PRMT2: variants seen among roughly 807,000 people sequenced by gnomAD.
PRMT2 encodes protein arginine N-methyltransferase 2.
In PRMT2, 26 loss-of-function variants were observed where a neutral mutation model predicts 57.6. The observed-to-expected ratio is 0.45, with a 90% CI of 0.33 to 0.63. The LOEUF (loss-of-function observed/expected upper bound fraction) is 0.63. PRMT2 is among the 20% of genes least tolerant of loss of function. PRMT2 has a pLI of 0.02. For missense variants in PRMT2, 472 were observed against 564.4 expected, an observed-to-expected ratio of 0.84 and a Z score of 1.66; for synonymous variants, 219 against 220.0, an observed-to-expected ratio of 1.00 and a Z score of 0.04.
chr21:46,660,754 AC>A, intron 8 of PRMT2, 78 bp from the exon 9 acceptor site: 2 of 1,530,768 alleles, frequency 1.3e-6, no homozygotes, highest in Middle Eastern at 1.7e-4. Context: ...GAGAGCACTC[AC>A]CGCGGTCCCA....
intron 11 of PRMT2, among the ~76,000 whole-genome samples, chr21:46,663,947 C>T (rs1260451807): frequency 1.3e-5 from 2 of 152,128 alleles, no homozygotes; most frequent in South Asian, 2.1e-4. Context: ...CTAGGCGTGT[C>T]GTCTGTGATG....
At position 46,664,279 on chromosome 21, in the gene PRMT2, C is replaced by A. The variant is rs2061672489; in HGVS notation, c.1270-16C>A. 6.3e-7 allele frequency: 1 copy of A among 1,590,490 alleles called. No individual in the cohort carries two copies. The highest frequency in any genetic ancestry group is 8.6e-7 in the Non-Finnish European group (1 of 1,158,550). ...ATTTATCATCTGATTGACCTGTTGTCATTTATCTTTTTCAGGTTGGAGAAA... is the reference window on the plus strand; with the variant it reads ...ATTTATCATCTGATTGACCTGTTGTAATTTATCTTTTTCAGGTTGGAGAAA... On this transcript the variant is annotated splice_polypyrimidine_tract_variant and intron_variant, in intron 11 of 11. Coordinates refer to ENST00000355680, the MANE Select transcript of PRMT2 (RefSeq NM_206962.4).
intron 7 of PRMT2, chr21:46,657,175 G>C (rs1158143626): frequency 6.6e-6 from 1 of 152,140 alleles, no homozygotes; most frequent in African/African-American, 2.4e-5. Context: ...CTGTCATCGA[G>C]GATGAGGAAC....
Position 46,647,108 on chromosome 21 carries a change from T to TA in PRMT2, c.328-1349dup, listed in dbSNP as rs140310274. ...GATGGTGTGTGAAAGCTCATTTCCC[T>TA]ACCACAAATCAAAGTGAAAAAGGAC... is the stretch of plus-strand genomic sequence containing the variant. On this transcript the variant is annotated intron_variant, in intron 5 of 11. Coordinates refer to ENST00000355680, the MANE Select transcript of PRMT2 (RefSeq NM_206962.4). Among the ~76,000 whole-genome samples, 1,282 of 152,352 alleles carry TA rather than the reference T, an allele frequency of 8.4e-3. 14 individuals carry two copies. Among genetic ancestry groups the TA allele is most frequent in the African/African-American group, 0.028 (1,161 of 41,582 alleles).
At chr21:46,644,569 A>G in intron 5 of PRMT2, 81 bp downstream of exon 5, 1 of 1,395,712 alleles carries the variant, frequency 7.2e-7, no homozygotes, top group Non-Finnish European at 9.6e-7. Context: ...CGTTCAGAGC[A>G]GGCCCATAGT....
Position 46,658,961 on chromosome 21 carries a change from C to T in PRMT2, c.830+41C>T, listed in dbSNP as rs1439251794. 13 of 1,589,138 alleles carry T rather than the reference C, an allele frequency of 8.2e-6. No homozygotes were observed. The South Asian group carries it at 1.4e-4, about 17-fold the overall frequency. ...TGGGACTGGCACCGTCTTGTGGGGC[C>T]TCCTGGTCCACAGTCTGCAGGTGGG... On this transcript the variant is annotated intron_variant, in intron 8 of 11. Transcript: ENST00000355680.
intron 7 of PRMT2, chr21:46,652,903 T>G: frequency 7.7e-7 from 1 of 1,303,234 alleles, no homozygotes; most frequent in South Asian, 1.2e-5. Flanking sequence ...AGAAGCAGGT[T>G]GCACACTCAG....
intron 10 of PRMT2, among the ~76,000 whole-genome samples, chr21:46,662,589 C>G (rs2061646909): frequency 6.6e-6 from 1 of 152,120 alleles, no homozygotes; most frequent in Admixed American, 6.5e-5. Context: ...GCTTGGAGGC[C>G]AGTTATACCC....
intron 8 of PRMT2, chr21:46,659,936 G>A: frequency 5.1e-6 from 5 of 985,274 alleles, no homozygotes; most frequent in Non-Finnish European, 6.0e-6. Flanking sequence ...TATACAGAAT[G>A]GATGTTTGCT....
intron 7 of PRMT2, chr21:46,652,160 A>G (rs762864602): frequency 3.1e-5 from 44 of 1,432,854 alleles, no homozygotes; most frequent in East Asian, 5.0e-5. Flanking sequence ...TCTTCACACC[A>G]TCTGCTAAAA....
chr21:46,662,798 T>C (rs1405943511), intron 10 of PRMT2, among the ~76,000 whole-genome samples: 3 of 152,170 alleles, frequency 2.0e-5, no homozygotes, highest in African/African-American at 7.2e-5. Context: ...CAGTGCAGAA[T>C]CATAGCGTTT....
chr21:46,639,808 G>GT (rs1248719711), intron 3 of PRMT2, among the ~76,000 whole-genome samples: 2 of 151,306 alleles, frequency 1.3e-5, no homozygotes, highest in Non-Finnish European at 2.9e-5. Context: ...TCTTAGGTCT[G>GT]TTTTTTTGTT....
intron 3 of PRMT2, among the ~76,000 whole-genome samples, chr21:46,642,716 A>G (rs1012290669): frequency 6.6e-5 from 10 of 152,180 alleles, no homozygotes; most frequent in African/African-American, 2.4e-4. Context: ...TCTTCCAGGC[A>G]AGCTTATTCT....
At chr21:46,646,008 C>A (rs2061359466) in intron 5 of PRMT2, among the ~76,000 whole-genome samples, 2 of 152,058 alleles carry the variant, frequency 1.3e-5, no homozygotes, top group Admixed American at 1.3e-4. Flanking sequence ...ACCATTGCGC[C>A]CGGCCGGAAG....
chr21:46,650,854 C>T (rs2061439192), intron 7 of PRMT2, among the ~76,000 whole-genome samples: 1 of 152,154 alleles, frequency 6.6e-6, no homozygotes, highest in Non-Finnish European at 1.5e-5. Context: ...CTGTGTTCAC[C>T]GTGTTGCCGT....
At chr21:46,653,839 C>A in intron 7 of PRMT2, 1 of 1,030,200 alleles carries the variant, frequency 9.7e-7, no homozygotes, top group Non-Finnish European at 1.2e-6. Flanking sequence ...CTTATGGCTA[C>A]ACTTAGACAT....
At chr21:46,654,543 A>G (rs902301605) in intron 7 of PRMT2, among the ~76,000 whole-genome samples, 2 of 152,248 alleles carry the variant, frequency 1.3e-5, no homozygotes, top group African/African-American at 4.8e-5. Flanking sequence ...TGAAGAAGAC[A>G]AGAATTTGAA....
At chr21:46,644,987 A>G (rs1198839432) in intron 5 of PRMT2, among the ~76,000 whole-genome samples, 1 of 152,058 alleles carries the variant, frequency 6.6e-6, no homozygotes, top group Non-Finnish European at 1.5e-5. Context: ...TGTAATCCCT[A>G]CACTTTGGGA....
rs1239979296 is a variant in PRMT2, at chr21:46,652,871, T to G, written c.654+3132T>G. 3 of 1,302,342 alleles carry G rather than the reference T, an allele frequency of 2.3e-6. No homozygotes were observed. In the Admixed American group the frequency reaches 7.0e-5, roughly 30 times the overall value. The allele number at this position is 1,302,342 out of a possible 1,614,324, so 80.7% of individuals were successfully genotyped here. On this transcript the variant is annotated intron_variant, in intron 7 of 11. Coordinates refer to ENST00000355680, the MANE Select transcript of PRMT2 (RefSeq NM_206962.4). Reference sequence around the variant, plus strand: ...TGTTACAGGATCTTGCTTGTTCTCCTGAGGCCACGCCACGATTTCCGAGAA... The same window carrying G: ...TGTTACAGGATCTTGCTTGTTCTCCGGAGGCCACGCCACGATTTCCGAGAA...
Sources: allele counts gnomAD v4.1 joint callset (sites outside exome capture counted in the v4.1 genomes callset), GRCh38; gene constraint gnomAD v4.1.1; transcripts MANE v1.5; gene names NCBI Gene and HGNC (gene_info 2026-07-23, HGNC 2026-07-21).